Variants in PCDHGB5 observed in about 807,000 individuals in gnomAD.
The protein encoded by PCDHGB5 is protocadherin gamma-B5.
PCDHGB5 carries 48 observed loss-of-function variants against 62.9 expected under a neutral mutation model. The observed-to-expected ratio is 0.76, with a 90% CI of 0.61 to 0.97. PCDHGB5 has a LOEUF of 0.97. Ranked by LOEUF, PCDHGB5 falls within the 50% of genes least tolerant of loss-of-function variation. The pLI is 0.00. For synonymous variants in PCDHGB5, 474 were observed against 511.2 expected, an observed-to-expected ratio of 0.93 and a Z score of 0.98; for missense variants, 1,118 against 1,198.6, an observed-to-expected ratio of 0.93 and a Z score of 0.99.
chr5:141,405,410 TTTTTGTTTTTTG>T lies in PCDHGB5; in HGVS notation c.2397+4896_2397+4907del, dbSNP rs1345529499. 4 of 1,557,296 alleles carry T rather than the reference TTTTTGTTTTTTG, an allele frequency of 2.6e-6. No individual in the cohort carries two copies. In the South Asian group the frequency reaches 4.6e-5, roughly 18 times the overall value. ...ATTTTTTTTCTTTCTTTCTTTTCTT[TTTTTGTTTTTTG>T]TTTTGTTTTGTTTTTGAGACAGAGT... On this transcript the variant is annotated intron_variant, in intron 1 of 3. Transcript: ENST00000617380.
chr5:141,399,854 GC>G lies in PCDHGB5; in HGVS notation c.1728del (p.Ala577LeufsTer8), dbSNP rs1416380474. The part of the protein sequence containing the change: ...DGSALFDMVP[R>X]AAEPGYLVTK... ...TCTGCGCTCTTCGATATGGTGCCGC[GC>G]GCTGCAGAGCCCGGCTACCTGGTGA... On this transcript the variant is annotated frameshift_variant, in exon 1 of 4. Transcript: ENST00000617380. LOFTEE classifies it high-confidence loss of function. 1 of 1,612,786 alleles carries G rather than the reference GC, an allele frequency of 6.2e-7. No homozygotes were observed. The highest frequency in any genetic ancestry group is 1.7e-5 in the Admixed American group (1 of 60,000).
chr5:141,426,589 T>G (rs2096945227), intron 1 of PCDHGB5: 1 of 369,180 alleles, frequency 2.7e-6, no homozygotes, highest in South Asian at 2.0e-5. Context: ...ATCCTCTGTG[T>G]CATACCCTTA....
At chr5:141,425,321 G>A (rs1020940689) in intron 1 of PCDHGB5, among the ~76,000 whole-genome samples, 2 of 152,182 alleles carry the variant, frequency 1.3e-5, no homozygotes, top group South Asian at 2.1e-4. Flanking sequence ...CAAGATCGTG[G>A]AGAACAAAAA....
chr5:141,480,224 T>G (rs2099514647), intron 1 of PCDHGB5, among the ~76,000 whole-genome samples: 1 of 146,584 alleles, frequency 6.8e-6, no homozygotes, highest in Non-Finnish European at 1.5e-5. Context: ...AGCGACATAG[T>G]GAGATCCTGT....
In PCDHGB5 at chr5:141,400,138, A is replaced by G. The variant is rs1459833287; in HGVS notation, c.2011A>G (p.Ile671Val). 2.5e-6 allele frequency: 4 copies of G among 1,614,046 alleles called. No homozygotes were observed. Among genetic ancestry groups the G allele is most frequent in the Admixed American group, 1.7e-5 (1 of 60,028 alleles). Residue 671 changes from isoleucine to valine, a missense_variant, in exon 1 of 4, where the codon ATC becomes GTC. Physicochemically the swap from Ile to Val is conservative, Grantham distance 29. This residue lies in a region of PCDHGB5 where 1,034 missense variants were observed against 1,029.1 expected (regional missense o/e 1.00). Coordinates refer to ENST00000617380, the MANE Select transcript of PCDHGB5 (RefSeq NM_018925.3). ...ADSLQEVLPD[I>V]TDRPVPSDPQ... ...CAGCTTGCAGGAGGTGCTGCCGGAT[A>G]TCACTGACCGCCCTGTACCCTCTGA...
chr5:141,489,483 T>G lies in PCDHGB5; in HGVS notation c.2398-5324T>G. 1.9e-6 allele frequency: 3 copies of G among 1,613,980 alleles called. No individual in the cohort carries two copies. The highest frequency in any genetic ancestry group is 2.5e-6 in the Non-Finnish European group (3 of 1,180,008). ...GCTATTTTTCCCTGAGCTTGATGAG[T>G]GGTGCCCTGGCAGTGAATCAAAAGA... On this transcript the variant is annotated intron_variant, in intron 1 of 3. Coordinates refer to ENST00000617380, the MANE Select transcript of PCDHGB5 (RefSeq NM_018925.3). This position sits in a 1 kb window ranked among gnomAD's most constrained non-coding sequence, Gnocchi z 4.5.
At position 141,404,471 on chromosome 5, in the gene PCDHGB5, A is replaced by G. The variant is rs200620626; in HGVS notation, c.2397+3947A>G. ...GTCTCCTCTCTCCACCTATGTCTCT[A>G]TTAACTCAGACACTGGTGTGCTGTA... On this transcript the variant is annotated intron_variant, in intron 1 of 3. Coordinates refer to ENST00000617380, the MANE Select transcript of PCDHGB5 (RefSeq NM_018925.3). 307 of 1,613,160 alleles carry G rather than the reference A, an allele frequency of 1.9e-4. No homozygotes were observed. Among genetic ancestry groups the G allele is most frequent in the Non-Finnish European group, 2.5e-4 (293 of 1,179,322 alleles).
chr5:141,478,420 C>A, intron 1 of PCDHGB5: 1 of 1,613,676 alleles, frequency 6.2e-7, no homozygotes, highest in Non-Finnish European at 8.5e-7. Context: ...ACTCCCGCCG[C>A]AGCGACCCGC....
intron 1 of PCDHGB5, among the ~76,000 whole-genome samples, chr5:141,402,239 T>A (rs1361940803): frequency 6.6e-6 from 1 of 152,066 alleles, no homozygotes; most frequent in African/African-American, 2.4e-5. Flanking sequence ...AGGAATTTTA[T>A]CATCAAAATA....
chr5:141,512,555 A>C lies in PCDHGB5; in HGVS notation c.*1382A>C, dbSNP rs1294402882. 2.6e-5 allele frequency: 4 copies of C among 152,986 alleles called. No individual in the cohort carries two copies. The highest frequency in any genetic ancestry group is 9.6e-5 in the African/African-American group (4 of 41,472). 9.5% of individuals were successfully genotyped at this position (152,986 alleles called of 1,614,324 possible). A position where few individuals can be genotyped will look rare whatever the true frequency, so the allele number is the denominator to read the frequency against. ...AGTTCCCCAGTGCCTCCTTGTGCAT[A>C]GACCTTCTTCTCCCACCCCCTTCTG... On this transcript the variant is annotated 3_prime_UTR_variant, in exon 4 of 4. Transcript: ENST00000617380.
chr5:141,483,538 G>C (rs571240759), intron 1 of PCDHGB5, among the ~76,000 whole-genome samples: 1 of 152,230 alleles, frequency 6.6e-6, no homozygotes, highest in African/African-American at 2.4e-5. Flanking sequence ...AAGCTGGGTG[G>C]TTGACAGTGC....
Position 141,489,084 on chromosome 5 carries a change from C to CCG in PCDHGB5, c.2398-5723_2398-5722insCG. On this transcript the variant is annotated intron_variant, in intron 1 of 3. Coordinates refer to ENST00000617380, the MANE Select transcript of PCDHGB5 (RefSeq NM_018925.3). The surrounding 1 kb of genome is among the most constrained non-coding windows in gnomAD (Gnocchi z 4.5). ...CTCCCCCCTGCCCACCCCCGCCACT[C>CCG]GGTGACTAAGAACTGCTGCAAGCAG... 9.1e-6 allele frequency: 3 copies of CCG among 329,130 alleles called. No individual in the cohort carries two copies. The highest frequency in any genetic ancestry group is 5.4e-6 in the Non-Finnish European group (1 of 186,464). The allele number at this position is 329,130 out of a possible 1,614,324, so 20.4% of individuals were successfully genotyped here. A position where few individuals can be genotyped will look rare whatever the true frequency, so the allele number is the denominator to read the frequency against.
chr5:141,437,355 A>C (rs2097877902), intron 1 of PCDHGB5, among the ~76,000 whole-genome samples: 1 of 152,238 alleles, frequency 6.6e-6, no homozygotes, highest in Non-Finnish European at 1.5e-5. Flanking sequence ...ATAGTACCTA[A>C]AATTGGAATG....
At chr5:141,401,128 G>A (rs1271194736) in intron 1 of PCDHGB5, among the ~76,000 whole-genome samples, 3 of 152,166 alleles carry the variant, frequency 2.0e-5, no homozygotes, top group Non-Finnish European at 4.4e-5. Context: ...TGGATCACAT[G>A]GTCAGGAGTT....
chr5:141,447,048 A>T (rs149112101), intron 1 of PCDHGB5, among the ~76,000 whole-genome samples: 1 of 152,066 alleles, frequency 6.6e-6, no homozygotes, highest in Non-Finnish European at 1.5e-5. Flanking sequence ...CTGGAATTCT[A>T]TTAAAATGTG....
chr5:141,415,590 A>G lies in PCDHGB5; in HGVS notation c.2397+15066A>G, dbSNP rs201666137. On this transcript the variant is annotated intron_variant, in intron 1 of 3. Transcript: ENST00000617380. ...TGTTAGATGATTCGAAGTTTCCTAT[A>G]GAGGATACCCCATTGGTTCCAGTGA... 60 of 1,613,946 alleles carry G rather than the reference A, an allele frequency of 3.7e-5. 1 individual carries two copies. The African/African-American group carries it at 7.2e-4, about 19-fold the overall frequency.
chr5:141,419,748 G>T, intron 1 of PCDHGB5: 1 of 1,613,872 alleles, frequency 6.2e-7, no homozygotes, highest in Non-Finnish European at 8.5e-7. Flanking sequence ...CGCATGGTGC[G>T]TGCTTTGGGT....
chr5:141,494,903 G>A (rs760748707), intron 2 of PCDHGB5, 38 bp downstream of exon 2: 39 of 1,613,894 alleles, frequency 2.4e-5, no homozygotes, highest in Non-Finnish European at 3.1e-5. Context: ...TCTTCTCTGC[G>A]GCATTTTCTC....
At position 141,485,073 on chromosome 5, in the gene PCDHGB5, C is replaced by T. The variant is rs1167407526; in HGVS notation, c.2398-9734C>T. ...CGGCCGAACCGCGCCAGAGCTGGCG[C>T]GGGGAAAGGGAGATAGGTGTCTCCA... On this transcript the variant is annotated intron_variant, in intron 1 of 3. Transcript: ENST00000617380. The surrounding 1 kb of genome is among the most constrained non-coding windows in gnomAD (Gnocchi z 5.7). 3.3e-6 allele frequency: 3 copies of T among 922,354 alleles called. No homozygotes were observed. The highest frequency in any genetic ancestry group is 4.8e-5 in the East Asian group (2 of 41,404). 57.1% of individuals were successfully genotyped at this position (922,354 alleles called of 1,614,324 possible).
Sources: allele counts gnomAD v4.1 joint callset (sites outside exome capture counted in the v4.1 genomes callset), GRCh38; gene constraint gnomAD v4.1.1; regional missense constraint gnomAD v4.1.1; non-coding constraint Gnocchi (gnomAD v3.1); transcripts MANE v1.5; gene names NCBI Gene and HGNC (gene_info 2026-07-23, HGNC 2026-07-21).